The following PLCG2 variants were observed in gnomAD, a reference collection of about 807,000 sequenced individuals.
PLCG2 encodes 1-phosphatidylinositol 4,5-bisphosphate phosphodiesterase gamma-2.
A neutral mutation model predicts 175.6 loss-of-function variants in PLCG2; 69 were observed. That is an observed-to-expected ratio of 0.39 (90% CI 0.32 to 0.48). The LOEUF is 0.48. Ranked by LOEUF, PLCG2 falls within the 20% of genes least tolerant of loss-of-function variation. PLCG2 has a pLI of 0.91. For missense variants in PLCG2, 1,798 were observed against 1,650.9 expected, an observed-to-expected ratio of 1.09 and a Z score of -1.54; for synonymous variants, 827 against 624.0, an observed-to-expected ratio of 1.33 and a Z score of -4.85.
At chr16:81,743,399 G>A (rs1305930413) in intron 1 of PLCG2, among the ~76,000 whole-genome samples, 1 of 152,196 alleles carries the variant, frequency 6.6e-6, no homozygotes, top group Non-Finnish European at 1.5e-5. Context: ...CTCTTGACTG[G>A]ACCGACTGGC....
chr16:81,960,566 G>A lies in PLCG2; in HGVS notation c.*2568G>A, dbSNP rs1911744911. ...AAACTAAATAAAGTTTTTCTACTGT[G>A]AGACTAGATGTGCAGGAGTGAAAGG... On this transcript the variant is annotated 3_prime_UTR_variant, in exon 33 of 33. Transcript: ENST00000564138. 1 of 231,662 alleles carries A rather than the reference G, an allele frequency of 4.3e-6. No individual in the cohort carries two copies. The highest frequency in any genetic ancestry group is 5.6e-5 in the Admixed American group (1 of 17,742). The allele number at this position is 231,662 out of a possible 1,614,324, so 14.4% of individuals were successfully genotyped here.
chr16:81,780,060 G>T (rs1243550929), intron 1 of PLCG2, among the ~76,000 whole-genome samples: 6 of 152,130 alleles, frequency 3.9e-5, no homozygotes, highest in African/African-American at 1.4e-4. Flanking sequence ...GACGTGCCCC[G>T]TTTGGACGGG....
At chr16:81,785,390 A>T (rs1438991249) in intron 1 of PLCG2, among the ~76,000 whole-genome samples, 1 of 152,184 alleles carries the variant, frequency 6.6e-6, no homozygotes, top group Non-Finnish European at 1.5e-5. Flanking sequence ...TGAAGCTGCC[A>T]AGACCTGACA....
intron 13 of PLCG2, among the ~76,000 whole-genome samples, chr16:81,897,592 C>T (rs1396719218): frequency 7.1e-6 from 1 of 140,970 alleles, no homozygotes; most frequent in Non-Finnish European, 1.5e-5. Flanking sequence ...GTCGCCCAGG[C>T]TAGAGTGCAA....
At chr16:81,743,450 A>G (rs1909639576) in intron 1 of PLCG2, among the ~76,000 whole-genome samples, 1 of 152,240 alleles carries the variant, frequency 6.6e-6, no homozygotes, top group African/African-American at 2.4e-5. Context: ...CAAAGAGCCC[A>G]GGTAGAGCGA....
chr16:81,878,855 A>G (rs536062533), intron 7 of PLCG2, among the ~76,000 whole-genome samples: 8 of 151,812 alleles, frequency 5.3e-5, no homozygotes, highest in Non-Finnish European at 7.4e-5. Context: ...CTTGGCTTTC[A>G]TTTGTTCTTT....
At chr16:81,863,727 C>T (rs1313307858) in intron 5 of PLCG2, among the ~76,000 whole-genome samples, 4 of 152,230 alleles carry the variant, frequency 2.6e-5, no homozygotes, top group Admixed American at 2.0e-4. Flanking sequence ...CCAACACTTA[C>T]TTCCTTTCCC....
At chr16:81,869,399 A>C in intron 6 of PLCG2, 101 bp downstream of exon 6, 1 of 804,864 alleles carries the variant, frequency 1.2e-6, no homozygotes, top group Non-Finnish European at 2.2e-6. Context: ...AATAGTGCAC[A>C]AGAAAATCCT....
rs750618942 is a variant in PLCG2, at chr16:81,883,305, G to C, written c.729G>C (p.Leu243=). 16 of 1,614,016 alleles carry C rather than the reference G, an allele frequency of 9.9e-6. No individual in the cohort carries two copies. The South Asian group carries it at 1.5e-4, about 16-fold the overall frequency. Residue 243 remains leucine, a synonymous_variant, in exon 9 of 33, where the codon CTG becomes CTC. Transcript: ENST00000564138. ...GGCCGGATGCCTCTGCTGTTTACCTGCATGACTTCCAGAGGTTTCTCATAC... is the reference window on the plus strand; with the variant it reads ...GGCCGGATGCCTCTGCTGTTTACCTCCATGACTTCCAGAGGTTTCTCATAC... The part of the protein sequence containing the change: ...TDRPDASAVY[L]HDFQRFLIHE...
intron 2 of PLCG2, among the ~76,000 whole-genome samples, chr16:81,832,234 A>G (rs1278808306): frequency 6.6e-6 from 1 of 152,218 alleles, no homozygotes; most frequent in Non-Finnish European, 1.5e-5. Context: ...TAACAGTGGT[A>G]GTGGTCAGAG....
intron 17 of PLCG2, 26 bp downstream of exon 17, chr16:81,908,617 C>G: frequency 6.3e-7 from 1 of 1,577,866 alleles, no homozygotes; most frequent in Non-Finnish European, 8.6e-7. Flanking sequence ...CAGGGAACGC[C>G]TACCTTCTTC....
upstream of PLCG2, among the ~76,000 whole-genome samples, chr16:81,777,907 C>T (rs537962004): frequency 1.3e-3 from 195 of 151,598 alleles, 1 homozygote; most frequent in Middle Eastern, 3.4e-3. Flanking sequence ...ATCCCAGCTA[C>T]TCAGGAGGCT....
intron 26 of PLCG2, chr16:81,935,818 C>G: frequency 1.0e-6 from 1 of 985,330 alleles, no homozygotes; most frequent in Non-Finnish European, 1.2e-6. Flanking sequence ...TCTTCCCCTC[C>G]CAAGATCTTC....
intron 12 of PLCG2, among the ~76,000 whole-genome samples, chr16:81,893,998 C>G (rs889921089): frequency 5.9e-5 from 8 of 135,136 alleles, no homozygotes; most frequent in Non-Finnish European, 1.1e-4. Flanking sequence ...TCCCTGTCAT[C>G]TGTATCTCCT....
chr16:81,935,887 C>A, intron 26 of PLCG2: 1 of 985,158 alleles, frequency 1.0e-6, no homozygotes, highest in African/African-American at 1.7e-5. Context: ...TTTGTGTTTT[C>A]TTGTTCAAGG....
intron 2 of PLCG2, among the ~76,000 whole-genome samples, chr16:81,786,527 G>A (rs1218975095): frequency 6.6e-6 from 1 of 152,170 alleles, no homozygotes; most frequent in East Asian, 1.9e-4. Context: ...TTCCTCTTAA[G>A]GGCGAATTAG....
chr16:81,869,762 C>G (rs1874340647), intron 6 of PLCG2, among the ~76,000 whole-genome samples: 1 of 152,310 alleles, frequency 6.6e-6, no homozygotes, highest in East Asian at 1.9e-4. Flanking sequence ...ATCCATCCTT[C>G]CATACATCAT....
In PLCG2 at chr16:81,910,580, A is replaced by G. The variant is rs780735932; in HGVS notation, c.1794A>G (p.Lys598=). Residue 598 remains lysine, a synonymous_variant, in exon 18 of 33, where the codon AAA becomes AAG. Coordinates refer to ENST00000564138, the MANE Select transcript of PLCG2 (RefSeq NM_002661.5). ...CCACCATGGAGGGCGGGACCCTGAA[A>G]TACTACTTGACTGACAACCTCACCT... The part of the protein sequence containing the change: ...IRSTMEGGTL[K]YYLTDNLTFS... 2.5e-6 allele frequency: 4 copies of G among 1,614,028 alleles called. No homozygotes were observed. Among genetic ancestry groups the G allele is most frequent in the Non-Finnish European group, 1.7e-6 (2 of 1,180,018 alleles).
intron 7 of PLCG2, among the ~76,000 whole-genome samples, chr16:81,874,523 A>G (rs1271127098): frequency 1.3e-5 from 2 of 152,174 alleles, no homozygotes; most frequent in African/African-American, 2.4e-5. Context: ...CCTGTTAGCA[A>G]ATTGTTTACT....
Sources: allele counts gnomAD v4.1 joint callset (sites outside exome capture counted in the v4.1 genomes callset), GRCh38; gene constraint gnomAD v4.1.1; transcripts MANE v1.5; gene names NCBI Gene and HGNC (gene_info 2026-07-23, HGNC 2026-07-21).